Variants in LRRC4C observed in about 807,000 individuals in gnomAD.
The protein encoded by LRRC4C is leucine-rich repeat-containing protein 4C.
In LRRC4C, 5 loss-of-function variants were observed where a neutral mutation model predicts 33.6. The observed-to-expected ratio is 0.15, with a 90% CI of 0.08 to 0.31. The LOEUF (loss-of-function observed/expected upper bound fraction) is 0.31, where lower values mean the gene tolerates loss of function less well. LRRC4C is among the 10% of genes least tolerant of loss of function. The pLI is 1.00. For synonymous variants in LRRC4C, 329 were observed against 302.0 expected (o/e 1.09, Z -0.93); for missense variants, 560 against 796.7 (o/e 0.70, Z 3.58).
intron 3 of LRRC4C, among the ~76,000 whole-genome samples, chr11:40,503,528 T>C (rs1324245846): frequency 1.3e-5 from 2 of 152,174 alleles, no homozygotes; most frequent in African/African-American, 4.8e-5. Context: ...TGCACATTCT[T>C]AGATATTAAA....
chr11:40,910,191 G>A (rs141918124), intron 2 of LRRC4C, among the ~76,000 whole-genome samples: 9 of 152,164 alleles, frequency 5.9e-5, no homozygotes, highest in Middle Eastern at 3.4e-3. Flanking sequence ...AATAAAAAAC[G>A]TATTGTGTAC....
chr11:41,318,294 G>T (rs1950855195), intron 1 of LRRC4C, among the ~76,000 whole-genome samples: 1 of 152,016 alleles, frequency 6.6e-6, no homozygotes, highest in African/African-American at 2.4e-5. Context: ...TCTGGTTTTG[G>T]ATTTTATTTT....
chr11:41,034,486 T>TAC (rs1856925120), intron 1 of LRRC4C, among the ~76,000 whole-genome samples: 1 of 146,272 alleles, frequency 6.8e-6, no homozygotes, highest in Non-Finnish European at 1.5e-5. Flanking sequence ...TATATATATA[T>TAC]ATACACATAT....
chr11:40,323,117 G>A (rs1945932790), intron 3 of LRRC4C, among the ~76,000 whole-genome samples: 1 of 152,078 alleles, frequency 6.6e-6, no homozygotes, highest in Admixed American at 6.6e-5. Context: ...TTTTTGCTCA[G>A]AGCAGCCTAA....
At chr11:40,916,432 C>G (rs983847956) in intron 2 of LRRC4C, among the ~76,000 whole-genome samples, 1 of 152,052 alleles carries the variant, frequency 6.6e-6, no homozygotes, top group Non-Finnish European at 1.5e-5. Flanking sequence ...TCATTCTCAG[C>G]AAACTATCGC....
intron 1 of LRRC4C, among the ~76,000 whole-genome samples, chr11:41,349,084 G>A (rs558286538): frequency 6.6e-6 from 1 of 152,296 alleles, no homozygotes; most frequent in African/African-American, 2.4e-5. Flanking sequence ...AGTCTGATCT[G>A]AGTACTATCC....
chr11:40,241,977 A>T (rs1234589767), intron 4 of LRRC4C: 1 of 152,012 alleles, frequency 6.6e-6, no homozygotes, highest in Non-Finnish European at 1.5e-5. Context: ...CTGCTTCAGG[A>T]ATTTCTCCTA....
chr11:41,216,945 C>CT (rs891617898), intron 1 of LRRC4C, among the ~76,000 whole-genome samples: 19 of 152,024 alleles, frequency 1.2e-4, no homozygotes, highest in African/African-American at 4.3e-4. Context: ...AACTTATGCT[C>CT]TTTTTTTTAG....
chr11:41,360,727 T>C (rs549935409), intron 1 of LRRC4C, among the ~76,000 whole-genome samples: 1 of 152,066 alleles, frequency 6.6e-6, no homozygotes, highest in Non-Finnish European at 1.5e-5. Flanking sequence ...ACAAAAGAAA[T>C]AAGGCCCATA....
intron 1 of LRRC4C, among the ~76,000 whole-genome samples, chr11:41,026,010 T>C (rs967979484): frequency 1.3e-5 from 2 of 151,836 alleles, no homozygotes; most frequent in Admixed American, 1.3e-4. Flanking sequence ...TGGTAGGAGA[T>C]ATACAAAGAG....
At chr11:40,553,066 T>A (rs1267696068) in intron 3 of LRRC4C, among the ~76,000 whole-genome samples, 1 of 152,016 alleles carries the variant, frequency 6.6e-6, no homozygotes, top group Non-Finnish European at 1.5e-5. Context: ...AGGTCAGCAG[T>A]TCAAAACCAG....
chr11:40,616,931 A>T (rs1961907989), intron 3 of LRRC4C, among the ~76,000 whole-genome samples: 1 of 151,780 alleles, frequency 6.6e-6, no homozygotes, highest in Non-Finnish European at 1.5e-5. Context: ...GCCAAAAAAA[A>T]AAGAAAGAAA....
chr11:40,331,270 A>T (rs1240023237), intron 3 of LRRC4C, among the ~76,000 whole-genome samples: 3 of 152,192 alleles, frequency 2.0e-5, no homozygotes, highest in African/African-American at 7.2e-5. Context: ...TAGCAATCCC[A>T]CTACTTGGTA....
chr11:41,334,772 G>T (rs927265846), intron 1 of LRRC4C, among the ~76,000 whole-genome samples: 6 of 152,124 alleles, frequency 3.9e-5, no homozygotes, highest in Admixed American at 3.9e-4. Context: ...GGTTGCTTGA[G>T]CCCAGGAGTT....
chr11:40,552,400 T>G (rs758261295), intron 3 of LRRC4C, among the ~76,000 whole-genome samples: 2 of 152,178 alleles, frequency 1.3e-5, no homozygotes, highest in Non-Finnish European at 2.9e-5. Flanking sequence ...CTCAACATCA[T>G]GCAGACTTCA....
chr11:40,650,446 T>C (rs1220385320), intron 2 of LRRC4C, among the ~76,000 whole-genome samples: 1 of 152,210 alleles, frequency 6.6e-6, no homozygotes, highest in Non-Finnish European at 1.5e-5. Flanking sequence ...ACCAATCTTC[T>C]TTTATGTATA....
At chr11:40,731,416 C>T (rs1947579199) in intron 2 of LRRC4C, among the ~76,000 whole-genome samples, 1 of 152,152 alleles carries the variant, frequency 6.6e-6, no homozygotes, top group Admixed American at 6.5e-5. Context: ...CCTGCTTTAC[C>T]TTCTGCCATA....
intron 1 of LRRC4C, among the ~76,000 whole-genome samples, chr11:40,974,874 G>A (rs78008217): frequency 1.3e-5 from 2 of 152,256 alleles, no homozygotes; most frequent in African/African-American, 2.4e-5. Flanking sequence ...GGGACTCCAG[G>A]CTTTCTGTCC....
At chr11:41,085,608 C>G (rs982697576) in intron 1 of LRRC4C, among the ~76,000 whole-genome samples, 3 of 152,148 alleles carry the variant, frequency 2.0e-5, no homozygotes, top group African/African-American at 7.2e-5. Context: ...GTACCCATCA[C>G]TGTCCACTGC....
Sources: gnomAD v4.1 joint callset for allele counts (sites outside exome capture counted in the v4.1 genomes callset) on GRCh38, gnomAD v4.1.1 for gene constraint, MANE v1.5 for transcripts, NCBI Gene and HGNC (gene_info 2026-07-23, HGNC 2026-07-21) for gene names.